The following EDA variants were observed in gnomAD, a reference collection of about 807,000 sequenced individuals.
EDA encodes the protein ectodysplasin A.
Under a neutral mutation model 23.6 loss-of-function variants are expected in EDA, and 2 were observed. The ratio of observed to expected loss-of-function variants is 0.08; its 90% CI spans 0.03 to 0.27. The LOEUF is 0.27. Among genes scored for constraint, EDA ranks in the 10% least tolerant of loss-of-function variants. The probability of loss-of-function intolerance (pLI) is 1.00; values close to 1 mark genes in which losing one functional copy is unlikely to be tolerated. For synonymous variants in EDA, 131 were observed against 132.0 expected (o/e 0.99, Z 0.05); for missense variants, 229 against 324.2 (o/e 0.71, Z 2.26).
chrX:70,027,716 C>G, intron 3 of EDA, 141 bp from the exon 4 acceptor site: 2 of 445,919 alleles, frequency 4.5e-6, no homozygotes, highest in Non-Finnish European at 8.1e-6. Flanking sequence ...CCAGTTACTC[C>G]AGAGGCTGAG....
chrX:69,828,676 C>T (rs1007240504), intron 1 of EDA, among the ~76,000 whole-genome samples: 2 of 112,464 alleles, frequency 1.8e-5, no homozygotes, highest in African/African-American at 6.5e-5. Context: ...GTCGCTCACG[C>T]TGGGAGCTGT....
chrX:69,876,844 G>T (rs5980666), intron 1 of EDA, among the ~76,000 whole-genome samples: 3 of 111,749 alleles, frequency 2.7e-5, no homozygotes, highest in African/African-American at 9.8e-5. Flanking sequence ...CAGGTTGAAG[G>T]ACATTTAGAT....
intron 1 of EDA, among the ~76,000 whole-genome samples, chrX:69,810,004 G>C (rs1403081891): frequency 9.1e-6 from 1 of 109,803 alleles, no homozygotes; most frequent in African/African-American, 3.3e-5. Flanking sequence ...GCTCACACCT[G>C]TAATCCCAGC....
intron 1 of EDA, among the ~76,000 whole-genome samples, chrX:69,703,612 A>G (rs2011601224): frequency 8.9e-6 from 1 of 111,967 alleles, no homozygotes; most frequent in Non-Finnish European, 1.9e-5. Context: ...TCTCCTGTAA[A>G]CAGAAAGTGT....
At chrX:69,863,627 TTATGTG>T (rs1207274880) in intron 1 of EDA, among the ~76,000 whole-genome samples, 2 of 69,117 alleles carry the variant, frequency 2.9e-5, no homozygotes, top group Admixed American at 3.2e-4. Context: ...ATGTGTGTAT[TTATGTG>T]TGTGTGTATA....
chrX:69,896,700 T>A (rs1479473634), intron 1 of EDA, among the ~76,000 whole-genome samples: 1 of 110,920 alleles, frequency 9.0e-6, no homozygotes, highest in Non-Finnish European at 1.9e-5. Flanking sequence ...GAGGCAGGAC[T>A]AGAAATCAGG....
At chrX:69,782,387 A>ACAAAAC (rs1415598082) in intron 1 of EDA, among the ~76,000 whole-genome samples, 2 of 89,087 alleles carry the variant, frequency 2.2e-5, no homozygotes, top group African/African-American at 7.2e-5. Flanking sequence ...AAAAAAAAAA[A>ACAAAAC]AAAAACATTA....
Position 70,035,593 on chromosome X carries a change from A to G in EDA, c.1160A>G (p.Glu387Gly), listed in dbSNP as rs1194323475. Residue 387 changes from glutamate (E) to glycine (G), a missense_variant, in exon 8 of 8, where the codon GAA (glutamate) becomes GGA (glycine). This residue lies in a region of EDA where 175 missense variants were observed against 281.8 expected (regional missense o/e 0.62). Transcript: ENST00000374552. Reference protein sequence around the residue: ...TTFFGAIRLGEAPAS With the variant: ...TTFFGAIRLGGAPAS ...TTCTTTGGGGCCATCAGGCTGGGTG[A>G]AGCCCCTGCATCCTAGATTCCCCCC... The G allele has an allele frequency of 8.3e-7, 1 of 1,207,215 alleles. No individual in the cohort carries two copies. Among genetic ancestry groups the G allele is most frequent in the Admixed American group, 2.2e-5 (1 of 45,244 alleles).
At chrX:69,870,357 G>A (rs1027647597) in intron 1 of EDA, among the ~76,000 whole-genome samples, 1 of 110,948 alleles carries the variant, frequency 9.0e-6, no homozygotes, top group African/African-American at 3.3e-5. Flanking sequence ...TTCTTTTCCA[G>A]TGTAGTGCAC....
At chrX:69,996,980 C>A (rs753510807) in intron 2 of EDA, among the ~76,000 whole-genome samples, 2 of 112,297 alleles carry the variant, frequency 1.8e-5, no homozygotes, top group African/African-American at 6.5e-5. Flanking sequence ...GTCCATTAAA[C>A]CTCTTTTTCT....
chrX:69,724,633 A>G (rs1487670721), intron 1 of EDA, among the ~76,000 whole-genome samples: 1 of 111,818 alleles, frequency 8.9e-6, no homozygotes, highest in African/African-American at 3.3e-5. Flanking sequence ...CTGTCAGTTT[A>G]TGTAGATGTT....
chrX:69,847,432 C>CA (rs1012783499), intron 1 of EDA, among the ~76,000 whole-genome samples: 5 of 111,232 alleles, frequency 4.5e-5, no homozygotes, highest in African/African-American at 1.6e-4. Flanking sequence ...GTTCCATCAC[C>CA]AAAAAACTCC....
intron 1 of EDA, among the ~76,000 whole-genome samples, chrX:69,731,756 A>G (rs777429710): frequency 2.7e-5 from 3 of 111,913 alleles, no homozygotes; most frequent in Non-Finnish European, 3.8e-5. Context: ...TAACATAAGC[A>G]TTTAATACTA....
At chrX:69,787,295 A>G (rs2015225138) in intron 1 of EDA, among the ~76,000 whole-genome samples, 1 of 100,351 alleles carries the variant, frequency 1.0e-5, no homozygotes, top group South Asian at 4.8e-4. Flanking sequence ...ATTTACATTT[A>G]AAGTTAATAT....
At chrX:69,856,216 A>C (rs1006984073) in intron 1 of EDA, among the ~76,000 whole-genome samples, 2 of 102,512 alleles carry the variant, frequency 2.0e-5, no homozygotes, top group Non-Finnish European at 3.9e-5. Context: ...TGCAAATGCC[A>C]TTATTTCATT....
At chrX:69,949,248 G>A (rs916968002) in intron 1 of EDA, among the ~76,000 whole-genome samples, 1 of 112,072 alleles carries the variant, frequency 8.9e-6, no homozygotes, top group African/African-American at 3.2e-5. Context: ...TTAACTCTGG[G>A]AATGATAGAA....
chrX:69,899,904 G>A (rs2018074112), intron 1 of EDA, among the ~76,000 whole-genome samples: 1 of 111,527 alleles, frequency 9.0e-6, no homozygotes, highest in Admixed American at 9.6e-5. Flanking sequence ...TATAGAGGCA[G>A]TGTGTTATAA....
chrX:69,858,947 G>A (rs1011378048), intron 1 of EDA, among the ~76,000 whole-genome samples: 1 of 110,940 alleles, frequency 9.0e-6, no homozygotes, highest in Admixed American at 9.6e-5. Flanking sequence ...ATTTCTTCCT[G>A]GTTCAATCTT....
intron 1 of EDA, among the ~76,000 whole-genome samples, chrX:69,807,787 G>A (rs1287096115): frequency 9.0e-6 from 1 of 110,878 alleles, no homozygotes; most frequent in East Asian, 2.8e-4. Context: ...CAGAATATTT[G>A]GAGAGATATC....
Sources: gnomAD v4.1 joint callset for allele counts (sites outside exome capture counted in the v4.1 genomes callset) on GRCh38, gnomAD v4.1.1 for gene constraint, gnomAD v4.1.1 regional missense constraint, MANE v1.5 for transcripts, NCBI Gene and HGNC (gene_info 2026-07-23, HGNC 2026-07-21) for gene names.